Variants in TTLL8 observed in about 807,000 individuals in gnomAD.
The protein encoded by TTLL8 is tubulin tyrosine ligase like 8, also known as protein monoglycylase TTLL8.
A neutral mutation model predicts 77.8 loss-of-function variants in TTLL8; 65 were observed. The ratio of observed to expected loss-of-function variants is 0.84; its 90% CI spans 0.68 to 1.03. The LOEUF is 1.03. TTLL8 is among the 50% of genes least tolerant of loss of function. The pLI, the probability that TTLL8 is intolerant of heterozygous loss-of-function variation, is 0.00. For missense variants in TTLL8, 910 were observed against 1,004.5 expected, an observed-to-expected ratio of 0.91 and a Z score of 1.27; for synonymous variants, 402 against 422.8, an observed-to-expected ratio of 0.95 and a Z score of 0.60.
intron 12 of TTLL8, among the ~76,000 whole-genome samples, chr22:50,023,048 C>T (rs5771303): frequency 0.2 from 30,381 of 150,992 alleles, 3,243 homozygotes; most frequent in South Asian, 0.39. Flanking sequence ...GTGAATTTAC[C>T]AACACGTCAG....
chr22:50,023,816 C>A (rs768938565), intron 12 of TTLL8, among the ~76,000 whole-genome samples: 1 of 152,078 alleles, frequency 6.6e-6, no homozygotes, highest in African/African-American at 2.4e-5. Context: ...GTCAGGAGTT[C>A]GAGACCAGCC....
intron 11 of TTLL8, among the ~76,000 whole-genome samples, 184 bp from the exon 13 acceptor site, chr22:50,031,109 G>A (rs565648636): frequency 6.6e-6 from 1 of 152,254 alleles, no homozygotes; most frequent in East Asian, 1.9e-4. Flanking sequence ...AGAACCTGCG[G>A]GGAACCAAGG....
chr22:50,050,286 T>C (rs144203289), intron 1 of TTLL8, 39 bp from the exon 4 acceptor site: 1 of 1,295,248 alleles, frequency 7.7e-7, no homozygotes, highest in East Asian at 5.5e-5. Context: ...ATTTCAATCA[T>C]TTTTGGGGAA....
chr22:50,034,286 C>A lies in TTLL8; in HGVS notation c.1039+59G>T. ...GCCTGAAACTGTCCCTCACTCACGGCTCCTGGCATCAAGTGTGGCCGTTGG... is the reference window on the plus strand; with the variant it reads ...GCCTGAAACTGTCCCTCACTCACGGATCCTGGCATCAAGTGTGGCCGTTGG... On this transcript the variant is annotated intron_variant, in intron 9 of 13. Transcript: ENST00000266182. This position sits in a 1 kb window ranked among gnomAD's most constrained non-coding sequence, Gnocchi z 4.1. 7.6e-7 allele frequency: 1 copy of A among 1,319,270 alleles called. No individual in the cohort carries two copies. Among genetic ancestry groups the A allele is most frequent in the South Asian group, 1.2e-5 (1 of 82,776 alleles). The allele number at this position is 1,319,270 out of a possible 1,614,324, so 81.7% of individuals were successfully genotyped here.
chr22:50,032,735 C>T (rs780117821), intron 10 of TTLL8, among the ~76,000 whole-genome samples: 5 of 152,222 alleles, frequency 3.3e-5, no homozygotes, highest in East Asian at 1.9e-4. Flanking sequence ...TGGCAGGCGT[C>T]GCTGTGTGCA....
At chr22:50,020,416 C>T (rs570875034) in intron 12 of TTLL8, among the ~76,000 whole-genome samples, 1 of 151,138 alleles carries the variant, frequency 6.6e-6, no homozygotes, top group East Asian at 2.0e-4. Context: ...AATGTGTACT[C>T]CTCCATCTGA....
intron 12 of TTLL8, among the ~76,000 whole-genome samples, chr22:50,025,983 C>G (rs895079363): frequency 9.2e-5 from 14 of 152,164 alleles, no homozygotes; most frequent in Admixed American, 2.0e-4. Flanking sequence ...TCTTCTAAAG[C>G]AAAACCCAAG....
chr22:50,030,280 C>T (rs998533517), intron 12 of TTLL8, 150 bp downstream of exon 13: 38 of 1,088,540 alleles, frequency 3.5e-5, no homozygotes, highest in Non-Finnish European at 4.0e-5. Context: ...CCCCGGCTCC[C>T]GCCGGCGCCT....
intron 8 of TTLL8, among the ~76,000 whole-genome samples, chr22:50,037,033 C>A (rs1448281507): frequency 2.0e-5 from 3 of 152,146 alleles, no homozygotes; most frequent in African/African-American, 4.8e-5. Context: ...GTTTCCATTT[C>A]TCTTGCATAA....
chr22:50,045,382 G>T, exon 6 of TTLL8: 1 of 1,365,596 alleles, frequency 7.3e-7, no homozygotes, highest in South Asian at 1.1e-5. Flanking sequence ...TGGTGCGCCG[G>T]AAGTCTTCTG....
At chr22:50,047,710 C>T (rs1176791819) in intron 3 of TTLL8, among the ~76,000 whole-genome samples, 3 of 152,198 alleles carry the variant, frequency 2.0e-5, no homozygotes, top group African/African-American at 7.2e-5. Flanking sequence ...GCACTGGCCT[C>T]CCGCTCCTCC....
upstream of TTLL8, among the ~76,000 whole-genome samples, chr22:50,057,875 G>T (rs991942615): frequency 6.6e-6 from 1 of 152,028 alleles, no homozygotes; most frequent in South Asian, 2.1e-4. Context: ...AGAAGATGGG[G>T]GAAGGTGGGG....
At chr22:50,046,597 A>C (rs932330) in intron 4 of TTLL8, among the ~76,000 whole-genome samples, 80,299 of 152,132 alleles carry the variant, frequency 0.53, 21,617 homozygotes, top group Non-Finnish European at 0.59. Context: ...TTAGGTGCGG[A>C]AGGGAACCTT....
chr22:50,049,816 C>T (rs1407912839), intron 2 of TTLL8, among the ~76,000 whole-genome samples: 2 of 152,134 alleles, frequency 1.3e-5, no homozygotes, highest in African/African-American at 4.8e-5. Context: ...GGAGGAGGGA[C>T]AGCTGAGGCC....
chr22:50,050,953 C>T (rs2061441010), intron 1 of TTLL8, among the ~76,000 whole-genome samples: 1 of 152,160 alleles, frequency 6.6e-6, no homozygotes, highest in Non-Finnish European at 1.5e-5. Context: ...CGAATGAAAA[C>T]CTCTTCCTTC....
At chr22:50,028,455 G>A (rs1020956062) in intron 12 of TTLL8, among the ~76,000 whole-genome samples, 2 of 152,184 alleles carry the variant, frequency 1.3e-5, no homozygotes, top group African/African-American at 2.4e-5. Context: ...CCATAGCCGC[G>A]GGATTGCTGC....
At chr22:50,020,200 A>G (rs576084999) in intron 12 of TTLL8, among the ~76,000 whole-genome samples, 7 of 152,316 alleles carry the variant, frequency 4.6e-5, no homozygotes, top group African/African-American at 1.7e-4. Flanking sequence ...GCAACTGACA[A>G]TCATCTAATG....
At chr22:50,024,772 G>GT (rs1358346381) in intron 12 of TTLL8, among the ~76,000 whole-genome samples, 2 of 152,244 alleles carry the variant, frequency 1.3e-5, no homozygotes, top group Admixed American at 6.5e-5. Flanking sequence ...AGCAAGACCA[G>GT]TAAGCACCAG....
intron 1 of TTLL8, 70 bp from the exon 4 acceptor site, chr22:50,050,317 G>T: frequency 8.6e-7 from 1 of 1,164,014 alleles, no homozygotes; most frequent in Non-Finnish European, 1.1e-6. Context: ...TTGGTTGCAT[G>T]GATAAGCTTG....
Sources: gnomAD v4.1 joint callset for allele counts (sites outside exome capture counted in the v4.1 genomes callset) on GRCh38, gnomAD v4.1.1 for gene constraint, Gnocchi (gnomAD v3.1) non-coding constraint, MANE v1.5 for transcripts, NCBI Gene and HGNC (gene_info 2026-07-23, HGNC 2026-07-21) for gene names.